Variants in TRAK1 observed in about 807,000 individuals in gnomAD.
The protein encoded by TRAK1 is trafficking kinesin-binding protein 1.
TRAK1 carries 33 observed loss-of-function variants against 92.1 expected under a neutral mutation model. The ratio of observed to expected loss-of-function variants is 0.36; its 90% CI spans 0.27 to 0.48. The LOEUF (loss-of-function observed/expected upper bound fraction) is 0.48, where lower values mean the gene tolerates loss of function less well. TRAK1 is among the 20% of genes least tolerant of loss of function. TRAK1 has a pLI of 0.99. For synonymous variants in TRAK1, 521 were observed against 517.3 expected (o/e 1.01, Z -0.10); for missense variants, 1,123 against 1,257.9 (o/e 0.89, Z 1.62).
intron 1 of TRAK1, among the ~76,000 whole-genome samples, chr3:42,078,164 G>A (rs1280318210): frequency 6.6e-6 from 1 of 152,152 alleles, no homozygotes; most frequent in Non-Finnish European, 1.5e-5. Context: ...GGTGACTCTG[G>A]TTTGCCTTCC....
chr3:42,085,710 T>C (rs974599406), upstream of TRAK1, among the ~76,000 whole-genome samples: 1 of 152,268 alleles, frequency 6.6e-6, no homozygotes, highest in Non-Finnish European at 1.5e-5. Context: ...ATTAGAGCAG[T>C]GGTTCTCACA....
intron 1 of TRAK1, among the ~76,000 whole-genome samples, chr3:42,016,189 T>G (rs538054065): frequency 6.6e-6 from 1 of 152,242 alleles, no homozygotes; most frequent in South Asian, 2.1e-4. Flanking sequence ...TTCCTGTCAT[T>G]GCATTCTGGT....
chr3:42,027,704 G>A (rs1701972506), intron 1 of TRAK1, among the ~76,000 whole-genome samples: 1 of 152,094 alleles, frequency 6.6e-6, no homozygotes, highest in Admixed American at 6.5e-5. Context: ...GTACTGAAAT[G>A]GGTAACTAAT....
chr3:42,032,810 C>A (rs902499639), intron 1 of TRAK1, among the ~76,000 whole-genome samples: 3 of 152,158 alleles, frequency 2.0e-5, no homozygotes, highest in Admixed American at 2.0e-4. Context: ...GTCGTTCCAG[C>A]TACTCAGAGG....
At chr3:42,105,266 CTTAAAAAA>C (rs571404102) in intron 1 of TRAK1, among the ~76,000 whole-genome samples, 67 of 152,144 alleles carry the variant, frequency 4.4e-4, no homozygotes, top group African/African-American at 1.6e-3. Flanking sequence ...AGCTAAAAGT[CTTAAAAAA>C]AGATTAGACA....
chr3:42,129,286 G>C (rs950859145), intron 2 of TRAK1, among the ~76,000 whole-genome samples: 1 of 152,162 alleles, frequency 6.6e-6, no homozygotes, highest in African/African-American at 2.4e-5. Flanking sequence ...GATTAGGGCA[G>C]AGGTTCTCGG....
chr3:42,104,357 G>A (rs114187219), intron 1 of TRAK1, among the ~76,000 whole-genome samples: 4,068 of 152,246 alleles, frequency 0.027, 201 homozygotes, highest in African/African-American at 0.093. Flanking sequence ...CGGTTCTCCC[G>A]GCATGGAGTT....
In TRAK1 at chr3:42,130,267, C is replaced by T. The variant is rs921429217; in HGVS notation, c.286+4653C>T. ...GCTATGCAACTCTTTTTGGTCCCTTCTTCCAGGGGCTGTTCTATGTAACTT... is the reference window on the plus strand; with the variant it reads ...GCTATGCAACTCTTTTTGGTCCCTTTTTCCAGGGGCTGTTCTATGTAACTT... On this transcript the variant is annotated intron_variant, in intron 2 of 15. Transcript: ENST00000327628. 4.6e-5 allele frequency among the ~76,000 whole-genome samples: 7 copies of T among 151,508 alleles called. No homozygotes were observed. In the South Asian group the frequency reaches 1.0e-3, roughly 23 times the overall value.
At chr3:42,053,355 C>A (rs1344388523) in intron 1 of TRAK1, among the ~76,000 whole-genome samples, 1 of 114,038 alleles carries the variant, frequency 8.8e-6, no homozygotes, top group Non-Finnish European at 1.7e-5. Flanking sequence ...GAAAAGACTG[C>A]AGTCCCATTC....
At chr3:42,123,423 G>A (rs1710159097) in intron 1 of TRAK1, among the ~76,000 whole-genome samples, 1 of 151,456 alleles carries the variant, frequency 6.6e-6, no homozygotes, top group Non-Finnish European at 1.5e-5. Context: ...TGAATCCCTG[G>A]CCCTGGCCCT....
intron 1 of TRAK1, among the ~76,000 whole-genome samples, chr3:42,025,252 G>T (rs1701870107): frequency 6.6e-6 from 1 of 152,108 alleles, no homozygotes; most frequent in Non-Finnish European, 1.5e-5. Context: ...CTCCTGGAGG[G>T]GCCTGTACCT....
chr3:42,181,058 TTCATTGTTGAGC>T (rs1410018292), intron 3 of TRAK1, among the ~76,000 whole-genome samples: 3 of 152,192 alleles, frequency 2.0e-5, no homozygotes, highest in African/African-American at 7.2e-5. Context: ...GACAAAGGAC[TTCATTGTTGAGC>T]TCATTGCTCT....
Position 42,176,733 on chromosome 3 carries a change from TA to T in TRAK1, c.287-80del, listed in dbSNP as rs1206432266. 1.4e-5 allele frequency: 18 copies of T among 1,323,202 alleles called. No individual in the cohort carries two copies. In the East Asian group the frequency reaches 3.9e-4, roughly 29 times the overall value. 82.0% of individuals were successfully genotyped at this position (1,323,202 alleles called of 1,614,324 possible). A position where few individuals can be genotyped will look rare whatever the true frequency, so the allele number is the denominator to read the frequency against. The stretch of plus-strand genomic sequence containing the variant: ...TGTGTCTAATGTGCAGGCACAACAT[TA>T]GGGGCACTTTTTTAGATGAGTCATT... On this transcript the variant is annotated intron_variant, in intron 2 of 15. Coordinates refer to ENST00000327628, the MANE Select transcript of TRAK1 (RefSeq NM_001042646.3).
chr3:42,206,719 A>G (rs1224313744), intron 13 of TRAK1, among the ~76,000 whole-genome samples: 3 of 152,260 alleles, frequency 2.0e-5, no homozygotes, highest in Non-Finnish European at 2.9e-5. Flanking sequence ...AAATCTGAGC[A>G]TGATGCGTCT....
At chr3:42,021,789 T>A (rs1279823389) in intron 1 of TRAK1, among the ~76,000 whole-genome samples, 2 of 152,160 alleles carry the variant, frequency 1.3e-5, no homozygotes, top group African/African-American at 2.4e-5. Flanking sequence ...TTGGCCAGAC[T>A]GGTCTCGAAC....
At chr3:42,125,245 A>T (rs1263607651) in intron 1 of TRAK1, among the ~76,000 whole-genome samples, 175 bp from the exon 2 acceptor site, 1 of 152,238 alleles carries the variant, frequency 6.6e-6, no homozygotes, top group African/African-American at 2.4e-5. Flanking sequence ...TGCACAATTC[A>T]AAGTTTTGAG....
intron 1 of TRAK1, among the ~76,000 whole-genome samples, chr3:42,117,607 C>G (rs996903092): frequency 6.6e-6 from 1 of 152,114 alleles, no homozygotes; most frequent in African/African-American, 2.4e-5. Context: ...ACACTCTGCT[C>G]ACCTTGCAGC....
intron 12 of TRAK1, among the ~76,000 whole-genome samples, chr3:42,201,883 GAC>G (rs56336064): frequency 0.25 from 30,890 of 124,756 alleles, 3,511 homozygotes; most frequent in South Asian, 0.32. Context: ...CGGACAGACG[GAC>G]ACACACACAC....
intron 9 of TRAK1, 31 bp downstream of exon 9, chr3:42,193,929 C>T: frequency 6.2e-7 from 1 of 1,604,234 alleles, no homozygotes; most frequent in Non-Finnish European, 8.5e-7. Context: ...CCTTCAGTGC[C>T]TCTGATTGCA....
Sources: allele counts gnomAD v4.1 joint callset (sites outside exome capture counted in the v4.1 genomes callset), GRCh38; gene constraint gnomAD v4.1.1; transcripts MANE v1.5; gene names NCBI Gene and HGNC (gene_info 2026-07-23, HGNC 2026-07-21).